Variants in GRK3 observed in about 807,000 individuals in gnomAD.
GRK3 encodes G protein-coupled receptor kinase 3.
GRK3 carries 54 observed loss-of-function variants against 95.7 expected under a neutral mutation model. The ratio of observed to expected loss-of-function variants is 0.56; its 90% CI spans 0.45 to 0.71. GRK3 has a LOEUF of 0.71. GRK3 is among the 30% of genes least tolerant of loss of function. The pLI is 0.00. For missense variants in GRK3, 649 were observed against 851.2 expected (o/e 0.76, Z 2.96); for synonymous variants, 281 against 290.8 (o/e 0.97, Z 0.34).
chr22:25,686,403 G>T (rs1311635848), intron 10 of GRK3, among the ~76,000 whole-genome samples: 4 of 152,310 alleles, frequency 2.6e-5, no homozygotes, highest in South Asian at 2.1e-4. Context: ...TGGCCTTTGT[G>T]TGAGTGGGGC....
intron 3 of GRK3, among the ~76,000 whole-genome samples, chr22:25,651,096 T>C (rs1258614872): frequency 1.3e-5 from 2 of 152,152 alleles, no homozygotes; most frequent in Non-Finnish European, 2.9e-5. Flanking sequence ...TAACAGTTTT[T>C]ACCCTGAAGT....
chr22:25,565,529 G>T (rs899330391), intron 1 of GRK3, among the ~76,000 whole-genome samples: 1 of 150,870 alleles, frequency 6.6e-6, no homozygotes, highest in Non-Finnish European at 1.5e-5. Flanking sequence ...TGTAGTCCCC[G>T]TTGGCTCCTT....
At chr22:25,614,887 A>T (rs2084526340) in intron 2 of GRK3, among the ~76,000 whole-genome samples, 1 of 152,204 alleles carries the variant, frequency 6.6e-6, no homozygotes, top group Admixed American at 6.5e-5. Flanking sequence ...CTTTAAACAA[A>T]AAGGCACATG....
chr22:25,634,676 T>C (rs1157357476), intron 2 of GRK3, among the ~76,000 whole-genome samples: 2 of 152,206 alleles, frequency 1.3e-5, no homozygotes, highest in Admixed American at 6.5e-5. Flanking sequence ...TTTAAAGTGC[T>C]GTAAGTTTTC....
rs199620908 is a variant in GRK3 at position 25,718,380 on chromosome 22, G to A, written c.1790G>A (p.Arg597Gln). The part of the protein sequence containing the change: ...RLEWRGEGES[R>Q]QNLLTMEQIL... The stretch of plus-strand genomic sequence containing the variant: ...GAATGGAGAGGAGAGGGAGAGTCCC[G>A]GGTAAGTCTAAGGCAGCCTCACCGA... The change falls in exon 19 of 21, where the codon CGG (arginine) becomes CAG (glutamine). Residue 597 changes from arginine to glutamine, a missense_variant and splice_region_variant. Arg to Gln is a conservative substitution (Grantham distance 43). Coordinates refer to ENST00000324198, the MANE Select transcript of GRK3 (RefSeq NM_005160.4). 3.8e-5 allele frequency: 61 copies of A among 1,613,904 alleles called. No homozygotes were observed. In the African/African-American group the frequency reaches 4.0e-4, roughly 11 times the overall value.
chr22:25,673,093 G>A (rs540954608), intron 7 of GRK3, among the ~76,000 whole-genome samples: 120 of 135,180 alleles, frequency 8.9e-4, no homozygotes, highest in Admixed American at 1.5e-3. Context: ...GACGAGTCTC[G>A]CTCTGTCGCC....
At chr22:25,582,923 T>C (rs1315427031) in intron 1 of GRK3, among the ~76,000 whole-genome samples, 1 of 152,212 alleles carries the variant, frequency 6.6e-6, no homozygotes, top group African/African-American at 2.4e-5. Flanking sequence ...AAGGAGGAGA[T>C]GAATGGATAC....
chr22:25,628,413 G>T (rs1211944948), intron 2 of GRK3, among the ~76,000 whole-genome samples: 2 of 152,196 alleles, frequency 1.3e-5, no homozygotes, highest in East Asian at 3.8e-4. Context: ...GTTATTTATT[G>T]CAGCAGTTTT....
chr22:25,661,033 A>G (rs556785267), intron 3 of GRK3, among the ~76,000 whole-genome samples: 18 of 152,354 alleles, frequency 1.2e-4, no homozygotes, highest in African/African-American at 4.1e-4. Flanking sequence ...TGAGGTTCCA[A>G]CCTGAAAAGC....
At chr22:25,589,988 A>G (rs770900621) in intron 1 of GRK3, among the ~76,000 whole-genome samples, 1 of 152,212 alleles carries the variant, frequency 6.6e-6, no homozygotes, top group East Asian at 1.9e-4. Flanking sequence ...CCATGATTCA[A>G]TGACCTCCCA....
chr22:25,600,388 C>A (rs1184898652), intron 1 of GRK3, among the ~76,000 whole-genome samples: 1 of 152,180 alleles, frequency 6.6e-6, no homozygotes, highest in Non-Finnish European at 1.5e-5. Flanking sequence ...GATCCACCTG[C>A]CTCGGCCTCC....
chr22:25,571,537 CTT>C (rs1330186678), intron 1 of GRK3, among the ~76,000 whole-genome samples: 1 of 152,022 alleles, frequency 6.6e-6, no homozygotes, highest in Non-Finnish European at 1.5e-5. Flanking sequence ...ATTAAAAACA[CTT>C]ATACTATAGG....
intron 4 of GRK3, among the ~76,000 whole-genome samples, chr22:25,662,361 A>C (rs78753487): frequency 2.6e-5 from 4 of 152,370 alleles, no homozygotes; most frequent in Non-Finnish European, 5.9e-5. Context: ...AACTAAAGTC[A>C]AATGGGAGTA....
rs186766362 is a variant in GRK3 at position 25,603,164 on chromosome 22, G to A, written c.114-1213G>A. Reference sequence around the variant, plus strand: ...ACTCCTGACCTCAGATGATTCACTCGCCTCGGCCTCCCAAAGTGGTGGGAT... The same window carrying A: ...ACTCCTGACCTCAGATGATTCACTCACCTCGGCCTCCCAAAGTGGTGGGAT... On this transcript the variant is annotated intron_variant, in intron 1 of 20. Coordinates refer to ENST00000324198, the MANE Select transcript of GRK3 (RefSeq NM_005160.4). Among the ~76,000 whole-genome samples the A allele has an allele frequency of 1.4e-3, 219 of 152,120 alleles. 1 individual carries two copies. Among genetic ancestry groups the A allele is most frequent in the African/African-American group, 5.0e-3 (208 of 41,498 alleles).
At chr22:25,595,228 C>T (rs1045332243) in intron 1 of GRK3, among the ~76,000 whole-genome samples, 8 of 151,942 alleles carry the variant, frequency 5.3e-5, no homozygotes, top group Non-Finnish European at 8.8e-5. Context: ...CTTTCTTTGC[C>T]GATGATAATG....
At chr22:25,609,174 C>A (rs2084475839) in intron 2 of GRK3, among the ~76,000 whole-genome samples, 1 of 152,090 alleles carries the variant, frequency 6.6e-6, no homozygotes, top group Admixed American at 6.6e-5. Flanking sequence ...TATTTTTCTT[C>A]TTTAAGATAC....
At chr22:25,710,953 G>T (rs1241154545) in intron 16 of GRK3, 115 bp from the exon 17 acceptor site, 8 of 500,034 alleles carry the variant, frequency 1.6e-5, no homozygotes, top group Admixed American at 3.8e-5. Context: ...TGAATGACAT[G>T]CTGCGCAGTG....
chr22:25,651,910 G>C (rs1249419762), intron 3 of GRK3, among the ~76,000 whole-genome samples: 1 of 152,064 alleles, frequency 6.6e-6, no homozygotes, highest in African/African-American at 2.4e-5. Flanking sequence ...TACCAAAAAA[G>C]GAAGTTAGCA....
At chr22:25,660,571 A>T (rs960943590) in intron 3 of GRK3, among the ~76,000 whole-genome samples, 7 of 152,146 alleles carry the variant, frequency 4.6e-5, no homozygotes, top group Admixed American at 2.0e-4. Context: ...CCTCACCTGC[A>T]TGACTGTGCC....
Sources: gnomAD v4.1 joint callset for allele counts (sites outside exome capture counted in the v4.1 genomes callset) on GRCh38, gnomAD v4.1.1 for gene constraint, MANE v1.5 for transcripts, NCBI Gene and HGNC (gene_info 2026-07-23, HGNC 2026-07-21) for gene names.